TRIM49: variants seen among roughly 807,000 people sequenced by gnomAD.
TRIM49 encodes tripartite motif-containing protein 49.
TRIM49 carries 5 observed loss-of-function variants against 27.4 expected under a neutral mutation model. The observed-to-expected ratio is 0.18, with a 90% CI of 0.10 to 0.38. The LOEUF is 0.38. Ranked by LOEUF, TRIM49 falls within the 10% of genes least tolerant of loss-of-function variation. The probability of loss-of-function intolerance (pLI) is 1.00; values close to 1 mark genes in which losing one functional copy is unlikely to be tolerated. For synonymous variants in TRIM49, 69 were observed against 166.0 expected (o/e 0.42, Z 4.49); for missense variants, 188 against 487.5 (o/e 0.39, Z 5.79).
intron 2 of TRIM49, among the ~76,000 whole-genome samples, chr11:89,804,764 G>C (rs936357853): frequency 1.3e-5 from 2 of 151,170 alleles, no homozygotes; most frequent in African/African-American, 4.9e-5. Context: ...TCTGGAAATT[G>C]GGTTTTGATT....
chr11:89,808,498 AT>A lies in TRIM49; in HGVS notation c.-253del, dbSNP rs1413532671. On this transcript the variant is annotated 5_prime_UTR_variant, in exon 1 of 8. It removes the in-frame stop codon of an upstream open reading frame in the 5' UTR. Transcript: ENST00000329758. ...TGGGTACAGTCCATCAGGAAAAGAA[AT>A]CCCCCGCTGGCTGGATCCCAGTGGT... 2.0e-5 allele frequency: 3 copies of A among 150,922 alleles called. 1 individual carries two copies. The highest frequency in any genetic ancestry group is 7.4e-5 in the African/African-American group (3 of 40,308). 9.3% of individuals were successfully genotyped at this position (150,922 alleles called of 1,614,324 possible).
In TRIM49 at chr11:89,802,941, CTTT is replaced by C. The variant is rs1238491890; in HGVS notation, c.507+754_507+756del. ...TGAGGACAAAGGTGCTTCCTTTCTT[CTTT>C]ACTAGTATATTTTCTAATTTAATAT... On this transcript the variant is annotated intron_variant, in intron 4 of 7. Coordinates refer to ENST00000329758, the MANE Select transcript of TRIM49 (RefSeq NM_020358.2). Among the ~76,000 whole-genome samples the C allele has an allele frequency of 8.7e-5, 13 of 150,066 alleles. 1 individual carries two copies. Among genetic ancestry groups the C allele is most frequent in the Admixed American group, 8.6e-4 (13 of 15,104 alleles).
the TRIM49 span, among the ~76,000 whole-genome samples, chr11:89,773,152 T>C: frequency 7.3e-6 from 1 of 136,196 alleles, no homozygotes; most frequent in Non-Finnish European, 1.5e-5. Flanking sequence ...GATCATGCCA[T>C]TGCACTCCAG....
At chr11:89,793,821 G>A (rs1187175520), downstream of TRIM49, among the ~76,000 whole-genome samples, 3 of 151,944 alleles carry the variant, frequency 2.0e-5, no homozygotes, top group South Asian at 6.2e-4. Context: ...CCTTAGAAAA[G>A]TGGTGCAAGA....
Position 89,798,551 on chromosome 11 carries a change from C to T in TRIM49, c.938G>A (p.Cys313Tyr), listed in dbSNP as rs1399127341. The T allele has an allele frequency of 1.9e-6, 3 of 1,558,672 alleles. No homozygotes were observed. The highest frequency in any genetic ancestry group is 3.4e-4 in the Middle Eastern group (2 of 5,860). ...GAAATAGGGTACATCTTGATGGTCA[C>T]ATCCAATACACATGCTTCTCAAAAT... ...YEILRSMCIG[C>Y]DHQDVPYFTA... The change falls in exon 8 of 8, where the codon TGT (cysteine) becomes TAT (tyrosine). Residue 313 changes from cysteine (C) to tyrosine (Y), a missense_variant. Cys to Tyr is a radical substitution (Grantham distance 194, BLOSUM62 -2). This residue lies in a region of TRIM49 where 94 missense variants were observed against 149.6 expected (regional missense o/e 0.63). Transcript: ENST00000329758.
the TRIM49 span, among the ~76,000 whole-genome samples, chr11:89,769,031 A>C: frequency 7.4e-6 from 1 of 135,808 alleles, no homozygotes; most frequent in East Asian, 2.1e-4. Context: ...AATGCAAAAA[A>C]ATTAGCCAGG....
At chr11:89,801,179 G>C (rs1350869959) in intron 5 of TRIM49, among the ~76,000 whole-genome samples, 191 bp from the exon 6 acceptor site, 3 of 149,594 alleles carry the variant, frequency 2.0e-5, no homozygotes, top group South Asian at 2.1e-4. Flanking sequence ...AACGTCCTGG[G>C]AAAGTCTGAG....
chr11:89,766,722 C>A, the TRIM49 span: 7 of 1,534,072 alleles, frequency 4.6e-6, 1 homozygote, highest in East Asian at 9.8e-5. Flanking sequence ...AAGAAACACA[C>A]CAACTCGGCC....
At chr11:89,803,047 C>G (rs958756776) in intron 4 of TRIM49, among the ~76,000 whole-genome samples, 1 of 150,618 alleles carries the variant, frequency 6.6e-6, no homozygotes, top group Non-Finnish European at 1.5e-5. Context: ...TATACATCCA[C>G]GAAGAGAAAA....
At chr11:89,796,262 C>T (rs934937186), downstream of TRIM49, among the ~76,000 whole-genome samples, 3 of 151,466 alleles carry the variant, frequency 2.0e-5, no homozygotes, top group Non-Finnish European at 1.5e-5. Context: ...ATGAGACAGA[C>T]TGTCATTCTG....
At position 89,800,975 on chromosome 11, in the gene TRIM49, A is replaced by C; in HGVS notation, c.752T>G (p.Ile251Arg). ...DVELLQAFGD[I>R]LHRSESVLLH... Reference sequence around the variant, plus strand: ...CTAGGTACACACTCACCTGTGTAATATGTCTCCAAAAGCCTGAAAAAAAAA... The same window carrying C: ...CTAGGTACACACTCACCTGTGTAATCTGTCTCCAAAAGCCTGAAAAAAAAA... The change falls in exon 6 of 8, where the codon ATA becomes AGA. Residue 251 changes from isoleucine to arginine, a missense_variant. Around this residue, in one of 6 missense-constraint regions of TRIM49, gnomAD observed 14 missense variants for 118.8 expected, o/e 0.12. Transcript: ENST00000329758. 7.1e-7 allele frequency: 1 copy of C among 1,399,268 alleles called. No homozygotes were observed. The highest frequency in any genetic ancestry group is 1.3e-5 in the South Asian group (1 of 74,306). The allele number at this position is 1,399,268 out of a possible 1,614,324, so 86.7% of individuals were successfully genotyped here.
At chr11:89,790,744 T>C in the TRIM49 span, among the ~76,000 whole-genome samples, 2 of 151,638 alleles carry the variant, frequency 1.3e-5, no homozygotes, top group African/African-American at 4.9e-5. Flanking sequence ...CAAAACCCCA[T>C]CTGTACGTCA....
At chr11:89,791,345 C>G in the TRIM49 span, among the ~76,000 whole-genome samples, 1 of 152,134 alleles carries the variant, frequency 6.6e-6, no homozygotes, top group Non-Finnish European at 1.5e-5. Context: ...GAGAACTTCC[C>G]CAACCTAGCA....
chr11:89,768,862 GA>G, the TRIM49 span: 798 of 493,472 alleles, frequency 1.6e-3, no homozygotes, highest in South Asian at 2.1e-3. Context: ...GAGAGAGAGA[GA>G]GAGAAAACGA....
the TRIM49 span, chr11:89,789,704 C>A: frequency 1.3e-5 from 2 of 152,074 alleles, no homozygotes; most frequent in African/African-American, 4.8e-5. Context: ...GGCATCTGAC[C>A]CTTGTTGGGT....
intron 6 of TRIM49, among the ~76,000 whole-genome samples, chr11:89,800,633 CT>C (rs1258443593): frequency 6.7e-6 from 1 of 150,026 alleles, no homozygotes; most frequent in African/African-American, 2.5e-5. Flanking sequence ...GTCCCGGGTA[CT>C]CGGGAGGCTG....
chr11:89,791,414 G>A, the TRIM49 span, among the ~76,000 whole-genome samples: 5 of 151,600 alleles, frequency 3.3e-5, no homozygotes, highest in African/African-American at 1.2e-4. Flanking sequence ...TACTCCTCAA[G>A]AAGAGCAACT....
At chr11:89,774,236 G>A in the TRIM49 span, among the ~76,000 whole-genome samples, 3 of 150,942 alleles carry the variant, frequency 2.0e-5, no homozygotes, top group Admixed American at 1.3e-4. Flanking sequence ...TCCTGACCTC[G>A]TGATCCACCC....
chr11:89,803,484 C>T (rs1949756490), intron 4 of TRIM49, among the ~76,000 whole-genome samples: 2 of 150,818 alleles, frequency 1.3e-5, no homozygotes. Context: ...AACCAGCATG[C>T]TTTGGGTGAC....
Sources: allele counts gnomAD v4.1 joint callset (sites outside exome capture counted in the v4.1 genomes callset), GRCh38; gene constraint gnomAD v4.1.1; regional missense constraint gnomAD v4.1.1; transcripts MANE v1.5; gene names NCBI Gene and HGNC (gene_info 2026-07-23, HGNC 2026-07-21).